The following CLGN variants were observed in gnomAD, a reference collection of about 807,000 sequenced individuals.
CLGN encodes the protein calmegin.
CLGN carries 62 observed loss-of-function variants against 79.1 expected under a neutral mutation model. The ratio of observed to expected loss-of-function variants is 0.78; its 90% CI spans 0.64 to 0.97. The LOEUF (loss-of-function observed/expected upper bound fraction) is 0.97. Among genes scored for constraint, CLGN ranks in the 50% least tolerant of loss-of-function variants. CLGN has a pLI of 0.00. For missense variants in CLGN, 647 were observed against 715.5 expected, an observed-to-expected ratio of 0.90 and a Z score of 1.09; for synonymous variants, 225 against 224.7, an observed-to-expected ratio of 1.00 and a Z score of -0.01.
At chr4:140,407,756 C>T (rs180718863) in intron 4 of CLGN, among the ~76,000 whole-genome samples, 169 of 151,970 alleles carry the variant, frequency 1.1e-3, no homozygotes, top group African/African-American at 1.3e-3. Context: ...ATGATCATAG[C>T]GCCCAAAGCC....
intron 2 of CLGN, 57 bp downstream of exon 2, chr4:140,412,878 T>C: frequency 7.1e-7 from 1 of 1,404,338 alleles, no homozygotes; most frequent in Non-Finnish European, 9.8e-7. Context: ...CAGAGGTCAA[T>C]CACTTCATTG....
At chr4:140,413,721 C>A (rs546992944) in intron 1 of CLGN, among the ~76,000 whole-genome samples, 2 of 152,166 alleles carry the variant, frequency 1.3e-5, no homozygotes, top group Non-Finnish European at 2.9e-5. Flanking sequence ...CACGGAGTCT[C>A]GCTGATTAAT....
chr4:140,425,429 G>GGTGTGTGGGT (rs1553946833), intron 1 of CLGN, among the ~76,000 whole-genome samples: 10,746 of 116,876 alleles, frequency 0.092, 481 homozygotes, highest in East Asian at 0.21. Context: ...GAATCAATAG[G>GGTGTGTGGGT]GTGTGTGTGT....
At chr4:140,390,579 C>T in intron 14 of CLGN, 49 bp downstream of exon 14, 1 of 1,306,030 alleles carries the variant, frequency 7.7e-7, no homozygotes, top group Non-Finnish European at 1.0e-6. Flanking sequence ...ATTGAAAAAA[C>T]TTTTTATGGA....
chr4:140,405,499 A>T (rs1208009348), intron 5 of CLGN, among the ~76,000 whole-genome samples: 5 of 152,336 alleles, frequency 3.3e-5, no homozygotes, highest in African/African-American at 1.2e-4. Flanking sequence ...AAGTAATTTT[A>T]AGAGTAAAAC....
chr4:140,425,431 T>TGTGTGGGTGG (rs373730128), intron 1 of CLGN, among the ~76,000 whole-genome samples: 2 of 69,176 alleles, frequency 2.9e-5, no homozygotes, highest in Admixed American at 1.3e-4. Flanking sequence ...ATCAATAGGG[T>TGTGTGGGTGG]GTGTGTGTGT....
chr4:140,419,444 C>T (rs925879427), intron 1 of CLGN, among the ~76,000 whole-genome samples: 1 of 151,892 alleles, frequency 6.6e-6, no homozygotes, highest in Admixed American at 6.6e-5. Flanking sequence ...CCTAAATGTT[C>T]ACTGAAATTG....
rs372739744 is a variant in CLGN at position 140,415,262 on chromosome 4, A to G, written c.-9-2175T>C. ...TGCAAAATCATGCCAAAATGTAAAG[A>G]CCATCAAGACTAGGAAGAAACTGCA... On this transcript the variant is annotated intron_variant, in intron 1 of 14. Coordinates refer to ENST00000325617, the MANE Select transcript of CLGN (RefSeq NM_004362.3). 2.0e-3 allele frequency among the ~76,000 whole-genome samples: 308 copies of G among 152,326 alleles called. 2 individuals carry two copies. The highest frequency in any genetic ancestry group is 4.4e-3 in the South Asian group (21 of 4,826).
At chr4:140,392,756 C>A (rs777413941) in intron 11 of CLGN, 45 bp from the exon 12 acceptor site, 12 of 1,523,256 alleles carry the variant, frequency 7.9e-6, no homozygotes, top group African/African-American at 2.8e-5. Flanking sequence ...ATTTTACAAA[C>A]CTTTACTGGG....
At position 140,396,135 on chromosome 4, in the gene CLGN, G is replaced by A. The variant is rs1322295424; in HGVS notation, c.955C>T (p.Pro319Ser). 2 of 1,614,122 alleles carry A rather than the reference G, an allele frequency of 1.2e-6. No individual in the cohort carries two copies. The highest frequency in any genetic ancestry group is 2.2e-5 in the East Asian group (1 of 44,868). The change falls in exon 9 of 15, where the codon CCA becomes TCA. Residue 319 changes from proline (P) to serine (S), a missense_variant. By Grantham distance (74) the Pro-to-Ser change is moderately conservative. Transcript: ENST00000325617. ...VKPAGWLDDE[P>S]KFIPDPNAEK... ...GCATTAGGATCAGGGATAAATTTTG[G>A]TTCATCATCAAGCCAGCCAGCAGGT...
intron 4 of CLGN, among the ~76,000 whole-genome samples, chr4:140,407,623 C>T (rs969121388): frequency 1.4e-5 from 2 of 143,736 alleles, no homozygotes; most frequent in Non-Finnish European, 3.0e-5. Context: ...ATATTCTTAA[C>T]AGAGGTGAAA....
rs2126620401 is a variant in CLGN, at chr4:140,400,509, C to A, written c.542G>T (p.Gly181Val). The A allele has an allele frequency of 6.2e-7, 1 of 1,603,758 alleles. No individual in the cohort carries two copies. Among genetic ancestry groups the A allele is most frequent in the East Asian group, 2.2e-5 (1 of 44,696 alleles). The change falls in exon 7 of 15, where the codon GGA becomes GTA. Residue 181 changes from glycine (G) to valine (V), a missense_variant. By Grantham distance (109) the Gly-to-Val change is moderately radical. Transcript: ENST00000325617. ...YDKTSYIIMF[G>V]PDKCGEDYKL... ...ATAATCTTCTCCACATTTATCTGGTCCAAACATAATGATATAGGATGTTTT... is the reference window on the plus strand; with the variant it reads ...ATAATCTTCTCCACATTTATCTGGTACAAACATAATGATATAGGATGTTTT...
chr4:140,416,763 C>T (rs1289073916), intron 1 of CLGN, among the ~76,000 whole-genome samples: 6 of 152,138 alleles, frequency 3.9e-5, no homozygotes, highest in South Asian at 2.1e-4. Flanking sequence ...CTGAATTCTA[C>T]GAGAGGTACA....
intron 1 of CLGN, among the ~76,000 whole-genome samples, chr4:140,425,865 G>A (rs1341557509): frequency 6.6e-6 from 1 of 151,954 alleles, no homozygotes; most frequent in East Asian, 1.9e-4. Flanking sequence ...CTAACCTCAG[G>A]TGATCCGCCC....
intron 8 of CLGN, among the ~76,000 whole-genome samples, chr4:140,396,563 A>T (rs1312944159): frequency 6.6e-6 from 1 of 151,176 alleles, no homozygotes; most frequent in Non-Finnish European, 1.5e-5. Flanking sequence ...CATTATTATT[A>T]TTTTTTTCTT....
chr4:140,415,545 G>A (rs1481362253), intron 1 of CLGN, among the ~76,000 whole-genome samples: 2 of 152,148 alleles, frequency 1.3e-5, no homozygotes, highest in African/African-American at 2.4e-5. Flanking sequence ...GGCAGGGGCT[G>A]CAATCCTAGT....
chr4:140,422,657 C>G (rs1384482187), intron 1 of CLGN, among the ~76,000 whole-genome samples: 1 of 152,162 alleles, frequency 6.6e-6, no homozygotes, highest in Non-Finnish European at 1.5e-5. Flanking sequence ...CACTCTGTTA[C>G]CCAGGCTGGA....
In CLGN at chr4:140,409,846, T is replaced by A. The variant is rs554922273; in HGVS notation, c.268A>T (p.Ile90Leu). Residue 90 changes from isoleucine to leucine, a missense_variant, in exon 4 of 15, where the codon ATA becomes TTA. Ile to Leu is a conservative substitution (Grantham distance 5). Transcript: ENST00000325617. ...KKDDMDEEIS[I>L]YDGRWEIEEL... ...TAAATAAATATTTTACCATCGTATATTGAAATTTCCTCATCCATGTCATCT... is the reference window on the plus strand; with the variant it reads ...TAAATAAATATTTTACCATCGTATAATGAAATTTCCTCATCCATGTCATCT... 3.1e-6 allele frequency: 5 copies of A among 1,591,822 alleles called. No homozygotes were observed. The East Asian group carries it at 9.0e-5, about 29-fold the overall frequency.
chr4:140,408,896 C>CAT (rs1479830803), intron 4 of CLGN, among the ~76,000 whole-genome samples: 9 of 148,408 alleles, frequency 6.1e-5, no homozygotes, highest in Non-Finnish European at 1.2e-4. Context: ...CACACACACA[C>CAT]ATATATATAC....
Sources: allele counts gnomAD v4.1 joint callset (sites outside exome capture counted in the v4.1 genomes callset), GRCh38; gene constraint gnomAD v4.1.1; transcripts MANE v1.5; gene names NCBI Gene and HGNC (gene_info 2026-07-23, HGNC 2026-07-21).